Variants in GRTP1 observed in about 807,000 individuals in gnomAD.
The protein encoded by GRTP1 is growth hormone regulated TBC protein 1.
GRTP1 carries 56 observed loss-of-function variants against 38.1 expected under a neutral mutation model. The ratio of observed to expected loss-of-function variants is 1.47; its 90% CI spans 1.19 to 1.84. GRTP1 has a LOEUF of 1.84. Among genes scored for constraint, GRTP1 ranks in the 40% most tolerant of loss-of-function variants. The pLI is 0.00. For synonymous variants in GRTP1, 217 were observed against 189.5 expected (o/e 1.14, Z -1.19); for missense variants, 506 against 453.9 (o/e 1.11, Z -1.04).
intron 3 of GRTP1, 41 bp from the exon 4 acceptor site, chr13:113,351,014 C>G: frequency 1.2e-6 from 2 of 1,609,640 alleles, no homozygotes; most frequent in Non-Finnish European, 1.7e-6. Context: ...GGTTTCTGTT[C>G]CACAAGCCTC....
At chr13:113,335,900 C>T (rs2042948157) in intron 5 of GRTP1, among the ~76,000 whole-genome samples, 1 of 152,108 alleles carries the variant, frequency 6.6e-6, no homozygotes, top group Non-Finnish European at 1.5e-5. Context: ...TCAAGCGATT[C>T]TCCTGCCTCA....
intron 2 of GRTP1, chr13:113,359,549 G>A (rs565109085): frequency 6.6e-6 from 1 of 152,296 alleles, no homozygotes; most frequent in African/African-American, 2.4e-5. Flanking sequence ...CCTCCTGCCT[G>A]GGTGACAGAG....
At position 113,332,311 on chromosome 13, in the gene GRTP1, G is replaced by A. The variant is rs1225145919; in HGVS notation, c.563-6220C>T. ...ACACACACCACACGTGCACACGCAC[G>A]CCACACACAGGTACACACGTGCACA... On this transcript the variant is annotated intron_variant, in intron 5 of 7. Transcript: ENST00000375431. 3.6e-3 allele frequency among the ~76,000 whole-genome samples: 262 copies of A among 72,684 alleles called. 2 individuals are homozygous for A. The highest frequency in any genetic ancestry group is 9.4e-3 in the African/African-American group (233 of 24,770). 47.7% of individuals were successfully genotyped at this position (72,684 alleles called of 152,430 possible). A position where few individuals can be genotyped will look rare whatever the true frequency, so the allele number is the denominator to read the frequency against.
At chr13:113,325,285 C>T (rs1024103275) in intron 7 of GRTP1, 11 of 1,285,164 alleles carry the variant, frequency 8.6e-6, no homozygotes, top group Non-Finnish European at 1.1e-5. Flanking sequence ...CTCAGAAGGC[C>T]TGTCAGGTAC....
chr13:113,334,715 GAGC>G (rs763256565), intron 5 of GRTP1, among the ~76,000 whole-genome samples: 4 of 152,228 alleles, frequency 2.6e-5, no homozygotes, highest in Non-Finnish European at 5.9e-5. Context: ...GGAGAGCCGT[GAGC>G]AGCAACAGTG....
At chr13:113,329,470 CA>C (rs1407528278) in intron 5 of GRTP1, among the ~76,000 whole-genome samples, 4 of 152,152 alleles carry the variant, frequency 2.6e-5, no homozygotes, top group Non-Finnish European at 5.9e-5. Flanking sequence ...CCCAGCTACT[CA>C]GCTACTCAGG....
chr13:113,343,542 G>C lies in GRTP1; in HGVS notation c.562+1321C>G, dbSNP rs1331098002. Among the ~76,000 whole-genome samples, 1 of 152,192 alleles carries C rather than the reference G, an allele frequency of 6.6e-6. No homozygotes were observed. Among genetic ancestry groups the C allele is most frequent in the Non-Finnish European group, 1.5e-5 (1 of 68,038 alleles). On this transcript the variant is annotated intron_variant, in intron 5 of 7. Coordinates refer to ENST00000375431, the MANE Select transcript of GRTP1 (RefSeq NM_024719.4). The surrounding 1 kb of genome is among the most constrained non-coding windows in gnomAD (Gnocchi z 4.8). The stretch of plus-strand genomic sequence containing the variant: ...CCCCATCCGTGAGGACACACACTAT[G>C]GTCTGTGAGTCACACAGCCAGGATC...
At chr13:113,334,858 G>A (rs34787521) in intron 5 of GRTP1, among the ~76,000 whole-genome samples, 23,895 of 152,064 alleles carry the variant, frequency 0.16, 2,433 homozygotes, top group Non-Finnish European at 0.23. Context: ...TTGCTCTGTC[G>A]CCCAGGCTGG....
In GRTP1 at chr13:113,347,779, C is replaced by T. The variant is rs867765199; in HGVS notation, c.466-2820G>A. Among the ~76,000 whole-genome samples, 907 of 133,622 alleles carry T rather than the reference C, an allele frequency of 6.8e-3. 37 individuals are homozygous for T. Among genetic ancestry groups the T allele is most frequent in the South Asian group, 0.012 (52 of 4,304 alleles). 87.7% of individuals were successfully genotyped at this position (133,622 alleles called of 152,430 possible). ...GGACCTCTGAAGCCGAGAGCAGACC[C>T]GGGAGGACCTCTGTGGCTGAGCGGA... On this transcript the variant is annotated intron_variant, in intron 4 of 7. Transcript: ENST00000375431.
intron 3 of GRTP1, chr13:113,355,050 T>G (rs879551977): frequency 7.7e-5 from 27 of 351,324 alleles, no homozygotes; most frequent in Non-Finnish European, 1.4e-4. Context: ...CGCCTCTCCC[T>G]GTCCCGCGAG....
rs368660991 is a variant in GRTP1, at chr13:113,357,441, C to CAAAAAAA, written c.182-1967_182-1961dup. On this transcript the variant is annotated intron_variant, in intron 2 of 7. Coordinates refer to ENST00000375431, the MANE Select transcript of GRTP1 (RefSeq NM_024719.4). ...GCCTGGCGACAGAGTGACACTGCCTCAAAAAAAAAAAAAAAAAAAAGAATC... is the reference window on the plus strand; with the variant it reads ...GCCTGGCGACAGAGTGACACTGCCTCAAAAAAAAAAAAAAAAAAAAAAAAAAAGAATC... Among the ~76,000 whole-genome samples the CAAAAAAA allele has an allele frequency of 1.8e-3, 180 of 97,602 alleles. 2 individuals are homozygous for CAAAAAAA. Among genetic ancestry groups the CAAAAAAA allele is most frequent in the South Asian group, 7.7e-3 (19 of 2,478 alleles). 64.0% of individuals were successfully genotyped at this position (97,602 alleles called of 152,430 possible).
In GRTP1 at chr13:113,342,288, G is replaced by A. The variant is rs1595489509; in HGVS notation, c.562+2575C>T. ...TGGGAGGCCGAGGCAGGCGGATCAC[G>A]AGGTCAGGAGATCGAGACCATCCTG... On this transcript the variant is annotated intron_variant, in intron 5 of 7. Coordinates refer to ENST00000375431, the MANE Select transcript of GRTP1 (RefSeq NM_024719.4). This position sits in a 1 kb window ranked among gnomAD's most constrained non-coding sequence, Gnocchi z 4.5. Among the ~76,000 whole-genome samples the A allele has an allele frequency of 3.3e-5, 5 of 152,096 alleles. No homozygotes were observed. The South Asian group carries it at 6.2e-4, about 19-fold the overall frequency.
intron 3 of GRTP1, among the ~76,000 whole-genome samples, chr13:113,352,660 G>A (rs1294835088): frequency 6.6e-6 from 1 of 152,108 alleles, no homozygotes; most frequent in Non-Finnish European, 1.5e-5. Context: ...ACAGGCGTGA[G>A]CCACCACACT....
chr13:113,342,325 G>A lies in GRTP1; in HGVS notation c.562+2538C>T, dbSNP rs969686385. Among the ~76,000 whole-genome samples the A allele has an allele frequency of 2.6e-5, 4 of 151,922 alleles. No homozygotes were observed. The highest frequency in any genetic ancestry group is 9.7e-5 in the African/African-American group (4 of 41,336). Reference sequence around the variant, plus strand: ...TCGAGACCATCCTGGCTAACACGGTGAAACCCCATCTCTACTAAAAATACA... The same window carrying A: ...TCGAGACCATCCTGGCTAACACGGTAAAACCCCATCTCTACTAAAAATACA... On this transcript the variant is annotated intron_variant, in intron 5 of 7. Coordinates refer to ENST00000375431, the MANE Select transcript of GRTP1 (RefSeq NM_024719.4). The surrounding 1 kb of genome is among the most constrained non-coding windows in gnomAD (Gnocchi z 4.5).
At chr13:113,363,469 C>T (rs531083586) in intron 2 of GRTP1, among the ~76,000 whole-genome samples, 64 of 151,946 alleles carry the variant, frequency 4.2e-4, no homozygotes, top group African/African-American at 1.4e-3. Flanking sequence ...CCTCCCAAAG[C>T]GCTGGGATTA....
rs1370453571 is a variant in GRTP1 at position 113,325,762 on chromosome 13, G to C, written c.820C>G (p.Gln274Glu). The change falls in exon 7 of 8, where the codon CAG becomes GAG. Residue 274 changes from glutamine to glutamate, a missense_variant. Transcript: ENST00000375431. Reference protein sequence around the residue: ...RVALTLIKQHQELILEATSVP... With the variant: ...RVALTLIKQHEELILEATSVP... ...CTGGTGGCTTCCAAAATCAACTCCT[G>C]GTGCTGCTTAATTAAGGTCAGGGCC... is the stretch of plus-strand genomic sequence containing the variant. The C allele has an allele frequency of 6.2e-7, 1 of 1,614,142 alleles. No individual in the cohort carries two copies. Among genetic ancestry groups the C allele is most frequent in the Admixed American group, 1.7e-5 (1 of 60,024 alleles).
At chr13:113,351,218 G>C (rs956981130) in intron 3 of GRTP1, among the ~76,000 whole-genome samples, 8 of 152,162 alleles carry the variant, frequency 5.3e-5, no homozygotes, top group Non-Finnish European at 8.8e-5. Context: ...AGGGACAGCA[G>C]AGCGACCCCA....
rs2139490835 is a variant in GRTP1 at position 113,349,890 on chromosome 13, C to T, written c.465+959G>A. On this transcript the variant is annotated intron_variant, in intron 4 of 7. Transcript: ENST00000375431. This position sits in a 1 kb window ranked among gnomAD's most constrained non-coding sequence, Gnocchi z 5.0. Reference sequence around the variant, plus strand: ...ACTGGGACTGCTAGGTTCGAACCACCCATCGCGACGATGTCCTTCCCTGTC... The same window carrying T: ...ACTGGGACTGCTAGGTTCGAACCACTCATCGCGACGATGTCCTTCCCTGTC... 6.8e-6 allele frequency among the ~76,000 whole-genome samples: 1 copy of T among 146,310 alleles called. No homozygotes were observed. The highest frequency in any genetic ancestry group is 2.2e-4 in the South Asian group (1 of 4,494).
intron 5 of GRTP1, among the ~76,000 whole-genome samples, chr13:113,334,473 A>G (rs2042927525): frequency 6.6e-6 from 1 of 152,230 alleles, no homozygotes; most frequent in South Asian, 2.1e-4. Flanking sequence ...TCGTGCGCGG[A>G]AACAGTTTCA....
Sources: allele counts gnomAD v4.1 joint callset (sites outside exome capture counted in the v4.1 genomes callset), GRCh38; gene constraint gnomAD v4.1.1; non-coding constraint Gnocchi (gnomAD v3.1); transcripts MANE v1.5; gene names NCBI Gene and HGNC (gene_info 2026-07-23, HGNC 2026-07-21).